The following ERBB4 variants were observed in gnomAD, a reference collection of about 807,000 sequenced individuals.
ERBB4 encodes erb-b2 receptor tyrosine kinase 4.
A neutral mutation model predicts 158.0 loss-of-function variants in ERBB4; 42 were observed. The ratio of observed to expected loss-of-function variants is 0.27; its 90% CI spans 0.21 to 0.34. The LOEUF (loss-of-function observed/expected upper bound fraction) is 0.34, where lower values mean the gene tolerates loss of function less well. Among genes scored for constraint, ERBB4 ranks in the 10% least tolerant of loss-of-function variants. The pLI, the probability that ERBB4 is intolerant of heterozygous loss-of-function variation, is 1.00. For synonymous variants in ERBB4, 583 were observed against 558.7 expected, an observed-to-expected ratio of 1.04 and a Z score of -0.61; for missense variants, 1,333 against 1,624.1, an observed-to-expected ratio of 0.82 and a Z score of 3.08.
intron 1 of ERBB4, among the ~76,000 whole-genome samples, chr2:212,446,519 C>T (rs2092350512): frequency 7.2e-6 from 1 of 138,170 alleles, no homozygotes; most frequent in Admixed American, 7.6e-5. Context: ...TGCACCTCAG[C>T]TTGCAGACAG....
chr2:212,105,791 C>T (rs1037560724), intron 2 of ERBB4, among the ~76,000 whole-genome samples: 6 of 152,028 alleles, frequency 3.9e-5, no homozygotes, highest in Admixed American at 3.9e-4. Context: ...GGGAGGGACC[C>T]AGTTGGATGT....
chr2:212,116,515 A>T (rs1354332012), intron 2 of ERBB4, among the ~76,000 whole-genome samples: 2 of 152,154 alleles, frequency 1.3e-5, no homozygotes, highest in Non-Finnish European at 2.9e-5. Context: ...TGGCACAATC[A>T]TAGTTCTCTG....
chr2:211,543,890 T>A (rs963552136), intron 20 of ERBB4, among the ~76,000 whole-genome samples: 1 of 151,842 alleles, frequency 6.6e-6, no homozygotes, highest in African/African-American at 2.4e-5. Flanking sequence ...ACTACCTCTA[T>A]CTCAATGATT....
Position 211,386,948 on chromosome 2 carries a change from C to G in ERBB4, c.3386G>C (p.Ser1129Thr), listed in dbSNP as rs2062697687. The change falls in exon 27 of 28, where the codon AGT (serine) becomes ACT (threonine). Residue 1129 changes from serine to threonine, a missense_variant. Around this residue, in one of 5 missense-constraint regions of ERBB4, gnomAD observed 252 missense variants for 241.3 expected, o/e 1.04. Coordinates refer to ENST00000342788, the MANE Select transcript of ERBB4 (RefSeq NM_005235.3). The part of the protein sequence containing the change: ...VQEDSSTQRY[S>T]ADPTVFAPER... Reference sequence around the variant, plus strand: ...TGGGGCAAACACGGTGGGGTCAGCACTGTACCTCTGGGTGCTACTGTCCTC... The same window carrying G: ...TGGGGCAAACACGGTGGGGTCAGCAGTGTACCTCTGGGTGCTACTGTCCTC... 2 of 1,614,170 alleles carry G rather than the reference C, an allele frequency of 1.2e-6. No individual in the cohort carries two copies. The highest frequency in any genetic ancestry group is 4.5e-5 in the East Asian group (2 of 44,882).
chr2:212,178,536 C>G (rs1359185161), intron 1 of ERBB4, among the ~76,000 whole-genome samples: 2 of 151,774 alleles, frequency 1.3e-5, no homozygotes, highest in Admixed American at 1.3e-4. Flanking sequence ...TAATTTATTT[C>G]ATCCTCTTAA....
At chr2:212,317,926 CT>C (rs1489854341) in intron 1 of ERBB4, among the ~76,000 whole-genome samples, 1 of 151,526 alleles carries the variant, frequency 6.6e-6, no homozygotes, top group African/African-American at 2.4e-5. Flanking sequence ...CAAAACTTAT[CT>C]TTTCAAAATC....
intron 1 of ERBB4, among the ~76,000 whole-genome samples, chr2:212,268,496 A>G (rs923935056): frequency 6.6e-5 from 10 of 151,910 alleles, no homozygotes; most frequent in Non-Finnish European, 1.5e-5. Context: ...ACAGGGACAT[A>G]ATGAAAAAAT....
intron 12 of ERBB4, among the ~76,000 whole-genome samples, chr2:211,682,607 C>A (rs1328429402): frequency 2.6e-5 from 4 of 152,130 alleles, no homozygotes; most frequent in Non-Finnish European, 5.9e-5. Flanking sequence ...TTCAATATTT[C>A]CAGTATCATT....
intron 3 of ERBB4, among the ~76,000 whole-genome samples, chr2:211,906,141 G>C (rs1312793532): frequency 6.6e-6 from 1 of 152,104 alleles, no homozygotes; most frequent in Non-Finnish European, 1.5e-5. Context: ...GGAAGGCAAG[G>C]TTGGAGGTAG....
rs373713485 is a variant in ERBB4 at position 211,498,074 on chromosome 2, C to T, written c.2487+63829G>A. 3.9e-5 allele frequency among the ~76,000 whole-genome samples: 6 copies of T among 152,224 alleles called. No individual in the cohort carries two copies. In the East Asian group the frequency reaches 5.8e-4, roughly 15 times the overall value. On this transcript the variant is annotated intron_variant, in intron 20 of 27. Coordinates refer to ENST00000342788, the MANE Select transcript of ERBB4 (RefSeq NM_005235.3). Reference sequence around the variant, plus strand: ...TTTTAATAAAGAAGATGCCAGCACTCCATGTGGAGCACCACATGAAACCCT... The same window carrying T: ...TTTTAATAAAGAAGATGCCAGCACTTCATGTGGAGCACCACATGAAACCCT...
chr2:211,591,729 G>C (rs1456468607), intron 19 of ERBB4, among the ~76,000 whole-genome samples: 1 of 152,322 alleles, frequency 6.6e-6, no homozygotes, highest in East Asian at 1.9e-4. Context: ...GTTAACACCT[G>C]ACACTGTGCT....
intron 3 of ERBB4, among the ~76,000 whole-genome samples, chr2:211,850,371 T>C (rs982479712): frequency 2.0e-5 from 3 of 151,860 alleles, no homozygotes; most frequent in Non-Finnish European, 4.4e-5. Flanking sequence ...ATATATGTAG[T>C]GTATATATAT....
rs573273655 is a variant in ERBB4 at position 212,147,388 on chromosome 2, G to C, written c.83-22485C>G. On this transcript the variant is annotated intron_variant, in intron 1 of 27. Transcript: ENST00000342788. ...ATATAAAATGTGAAGATTTAATCCA[G>C]CATCATTTAAGAGTTAGATAGGATG... 5.9e-5 allele frequency among the ~76,000 whole-genome samples: 9 copies of C among 151,784 alleles called. No individual in the cohort carries two copies. In the South Asian group the frequency reaches 1.9e-3, roughly 32 times the overall value.
At chr2:212,359,027 T>C (rs913672527) in intron 1 of ERBB4, among the ~76,000 whole-genome samples, 2 of 151,738 alleles carry the variant, frequency 1.3e-5, no homozygotes, top group Non-Finnish European at 2.9e-5. Flanking sequence ...TTATGAGAAC[T>C]CTTCTTCTAG....
chr2:212,480,551 G>T (rs1307415182), intron 1 of ERBB4, among the ~76,000 whole-genome samples: 1 of 152,212 alleles, frequency 6.6e-6, no homozygotes, highest in Non-Finnish European at 1.5e-5. Flanking sequence ...GCCATTCAAA[G>T]ATAGTGCCTC....
rs1252939807 is a variant in ERBB4 at position 211,382,037 on chromosome 2, GA to G, written c.*1577del. 1 of 229,110 alleles carries G rather than the reference GA, an allele frequency of 4.4e-6. No individual in the cohort carries two copies. Among genetic ancestry groups the G allele is most frequent in the African/African-American group, 2.2e-5 (1 of 45,106 alleles). 14.2% of individuals were successfully genotyped at this position (229,110 alleles called of 1,614,324 possible). A position where few individuals can be genotyped will look rare whatever the true frequency, so the allele number is the denominator to read the frequency against. On this transcript the variant is annotated 3_prime_UTR_variant, in exon 28 of 28. Coordinates refer to ENST00000342788, the MANE Select transcript of ERBB4 (RefSeq NM_005235.3). ...ACTGGATGCAGTATATGAAGAAAGG[GA>G]ATTATATAAAGTATCAAAAGATTAG... is the stretch of plus-strand genomic sequence containing the variant.
chr2:211,911,583 C>T (rs556977330), intron 3 of ERBB4, among the ~76,000 whole-genome samples: 2 of 152,130 alleles, frequency 1.3e-5, no homozygotes, highest in South Asian at 2.1e-4. Context: ...CACAATTTAG[C>T]GTATCAATAT....
At chr2:211,925,830 TTC>T (rs957356585) in intron 3 of ERBB4, among the ~76,000 whole-genome samples, 6 of 152,188 alleles carry the variant, frequency 3.9e-5, no homozygotes, top group East Asian at 1.9e-4. Flanking sequence ...TTCATACTTT[TTC>T]TCTCTTTTTT....
intron 20 of ERBB4, among the ~76,000 whole-genome samples, chr2:211,546,983 C>G (rs1370833477): frequency 6.6e-6 from 1 of 152,022 alleles, no homozygotes; most frequent in Non-Finnish European, 1.5e-5. Context: ...TGAAATAGCT[C>G]TATATCTTGA....
Sources: gnomAD v4.1 joint callset for allele counts (sites outside exome capture counted in the v4.1 genomes callset) on GRCh38, gnomAD v4.1.1 for gene constraint, gnomAD v4.1.1 regional missense constraint, MANE v1.5 for transcripts, NCBI Gene and HGNC (gene_info 2026-07-23, HGNC 2026-07-21) for gene names.